The following SHCBP1 variants were observed in gnomAD, a reference collection of about 807,000 sequenced individuals.
SHCBP1 encodes the protein SHC SH2 domain-binding protein 1.
A neutral mutation model predicts 75.1 loss-of-function variants in SHCBP1; 60 were observed. That is an observed-to-expected ratio of 0.80 (90% CI 0.65 to 0.99). The LOEUF is 0.99. SHCBP1 is among the 50% of genes least tolerant of loss of function. SHCBP1 has a pLI of 0.00. For synonymous variants in SHCBP1, 290 were observed against 293.2 expected, an observed-to-expected ratio of 0.99 and a Z score of 0.11; for missense variants, 709 against 809.4, an observed-to-expected ratio of 0.88 and a Z score of 1.50.
intron 12 of SHCBP1, 130 bp downstream of exon 12, chr16:46,583,384 TTC>T (rs1183528080): frequency 1.0e-5 from 9 of 895,320 alleles, no homozygotes; most frequent in South Asian, 3.9e-5. Flanking sequence ...GTTACCAAGC[TTC>T]TCTCTCTCCA....
At chr16:46,594,137 T>A (rs1965096621) in intron 10 of SHCBP1, among the ~76,000 whole-genome samples, 1 of 152,014 alleles carries the variant, frequency 6.6e-6, no homozygotes, top group Admixed American at 6.6e-5. Flanking sequence ...ATGTAAAATA[T>A]AACGCTATAA....
chr16:46,606,824 T>A (rs1328860541), intron 5 of SHCBP1, among the ~76,000 whole-genome samples: 1 of 141,702 alleles, frequency 7.1e-6, no homozygotes, highest in Non-Finnish European at 1.6e-5. Context: ...ACTTTCAAAC[T>A]TTTTTTTTTT....
At chr16:46,601,547 T>G (rs576735415) in intron 8 of SHCBP1, among the ~76,000 whole-genome samples, 1 of 152,136 alleles carries the variant, frequency 6.6e-6, no homozygotes, top group African/African-American at 2.4e-5. Flanking sequence ...GCAAAGCCGC[T>G]CAATGTATCT....
rs1260679769 is a variant in SHCBP1 at position 46,581,864 on chromosome 16, T to C, written c.1884A>G (p.Ile628Met). ...LIAASTQKGQ[I>M]KKKRLSELGI... ...CCAGTTCACTCAACCTTTTCTTCTT[T>C]ATCTGGCCTTTCTGTGTGGAGGCAG... is the stretch of plus-strand genomic sequence containing the variant. Residue 628 changes from isoleucine (I) to methionine (M), a missense_variant, in exon 13 of 13, where the codon ATA becomes ATG. By Grantham distance (10) the Ile-to-Met change is conservative. Coordinates refer to ENST00000303383, the MANE Select transcript of SHCBP1 (RefSeq NM_024745.5). 1 of 1,614,064 alleles carries C rather than the reference T, an allele frequency of 6.2e-7. No individual in the cohort carries two copies. Among genetic ancestry groups the C allele is most frequent in the Non-Finnish European group, 8.5e-7 (1 of 1,180,026 alleles).
chr16:46,607,310 C>G (rs1317878856), intron 5 of SHCBP1, among the ~76,000 whole-genome samples: 2 of 152,188 alleles, frequency 1.3e-5, no homozygotes, highest in Admixed American at 1.3e-4. Context: ...AGTGACATCA[C>G]ACTGCTGCAC....
rs114407253 is a variant in SHCBP1 at position 46,614,874 on chromosome 16, T to A, written c.596+1072A>T. On this transcript the variant is annotated intron_variant, in intron 4 of 12. Transcript: ENST00000303383. ...AAGAATCCCCTACTTTTGTTAACAT[T>A]TGTGAAAACCAAGTAAAAGATAAAC... 3.5e-3 allele frequency among the ~76,000 whole-genome samples: 529 copies of A among 152,338 alleles called. 7 individuals are homozygous for A. Among genetic ancestry groups the A allele is most frequent in the African/African-American group, 0.012 (518 of 41,588 alleles).
At chr16:46,598,772 G>C (rs1334021364) in intron 9 of SHCBP1, among the ~76,000 whole-genome samples, 2 of 152,122 alleles carry the variant, frequency 1.3e-5, no homozygotes, top group African/African-American at 2.4e-5. Flanking sequence ...TCCAATAGAA[G>C]GTTATTTCAT....
intron 10 of SHCBP1, among the ~76,000 whole-genome samples, chr16:46,584,751 T>A (rs536933233): frequency 2.8e-4 from 43 of 152,308 alleles, no homozygotes; most frequent in African/African-American, 9.4e-4. Flanking sequence ...AGAATTTCTT[T>A]CCTAATGCTA....
rs1244040846 is a variant in SHCBP1, at chr16:46,604,654, CT to C, written c.690-194del. Among the ~76,000 whole-genome samples the C allele has an allele frequency of 2.6e-5, 4 of 152,306 alleles. No homozygotes were observed. In the East Asian group the frequency reaches 7.7e-4, roughly 29 times the overall value. On this transcript the variant is annotated intron_variant, in intron 5 of 12. Transcript: ENST00000303383. The stretch of plus-strand genomic sequence containing the variant: ...AAGCTGTTGAAAATTTAAAGCACCA[CT>C]TCCTTAAGGTCACTAATTTTTCTGC...
intron 10 of SHCBP1, among the ~76,000 whole-genome samples, chr16:46,587,180 T>C (rs1964966658): frequency 6.6e-6 from 1 of 152,128 alleles, no homozygotes; most frequent in African/African-American, 2.4e-5. Flanking sequence ...AAGGAGATGG[T>C]AGAGAATAAT....
intron 4 of SHCBP1, among the ~76,000 whole-genome samples, chr16:46,608,723 C>T (rs1965362242): frequency 6.6e-6 from 1 of 151,262 alleles, no homozygotes. Context: ...CCTGCCTCAG[C>T]CTCCCGAGTA....
Position 46,608,340 on chromosome 16 carries a change from C to T in SHCBP1, c.646G>A (p.Glu216Lys), listed in dbSNP as rs776862098. The change falls in exon 5 of 13, where the codon GAA (glutamate) becomes AAA (lysine). Residue 216 changes from glutamate to lysine, a missense_variant. Glu to Lys is a moderately conservative substitution (Grantham distance 56). Coordinates refer to ENST00000303383, the MANE Select transcript of SHCBP1 (RefSeq NM_024745.5). ...WRSWDEEEED[E>K]YDYFVRCVEP... ...ACACATCTGACAAAATAATCGTATT[C>T]ATCCTCCTCTTCTTCATCCCAACTC... 6.2e-7 allele frequency: 1 copy of T among 1,613,698 alleles called. No homozygotes were observed. The highest frequency in any genetic ancestry group is 8.5e-7 in the Non-Finnish European group (1 of 1,179,852).
intron 4 of SHCBP1, among the ~76,000 whole-genome samples, chr16:46,611,734 C>T (rs138728781): frequency 0.016 from 2,467 of 152,240 alleles, 34 homozygotes; most frequent in Middle Eastern, 0.031. Flanking sequence ...TAAGAACCTA[C>T]CAACAACAGT....
At chr16:46,591,033 T>A (rs1382517251) in intron 10 of SHCBP1, among the ~76,000 whole-genome samples, 4 of 152,218 alleles carry the variant, frequency 2.6e-5, no homozygotes, top group African/African-American at 9.6e-5. Flanking sequence ...TGGATGAAGC[T>A]GGAAACCATC....
In SHCBP1 at chr16:46,604,032, C is replaced by T. The variant is rs1175798827; in HGVS notation, c.1035G>A (p.Arg345=). 1 of 1,614,058 alleles carries T rather than the reference C, an allele frequency of 6.2e-7. No individual in the cohort carries two copies. The highest frequency in any genetic ancestry group is 8.5e-7 in the Non-Finnish European group (1 of 1,180,038). The change falls in exon 7 of 13, where the codon CGG becomes CGA. Residue 345 remains arginine (R), a synonymous_variant. Coordinates refer to ENST00000303383, the MANE Select transcript of SHCBP1 (RefSeq NM_024745.5). ...GGCAAAGCCTGTCCGTAAGCAGGGA[C>T]CGCAGGAGACCAGCCATCATGGTGG... is the stretch of plus-strand genomic sequence containing the variant. The part of the protein sequence containing the change: ...VSSTMMAGLL[R]SLLTDRLCQE...
chr16:46,583,176 G>A (rs554998609), intron 12 of SHCBP1, among the ~76,000 whole-genome samples: 2 of 151,576 alleles, frequency 1.3e-5, no homozygotes, highest in East Asian at 1.9e-4. Context: ...CACTGTTGCT[G>A]TCACACACCC....
At position 46,616,254 on chromosome 16, in the gene SHCBP1, T is replaced by C. The variant is rs1965498495; in HGVS notation, c.388-100A>G. On this transcript the variant is annotated intron_variant, in intron 3 of 12. Coordinates refer to ENST00000303383, the MANE Select transcript of SHCBP1 (RefSeq NM_024745.5). The surrounding 1 kb of genome is among the most constrained non-coding windows in gnomAD (Gnocchi z 4.4). ...CTGATTTTTTTAAAAGCATACAACA[T>C]GGGTGGGGAGGCTTTACCCATAATA... 8.4e-7 allele frequency: 1 copy of C among 1,191,114 alleles called. No individual in the cohort carries two copies. Among genetic ancestry groups the C allele is most frequent in the African/African-American group, 1.5e-5 (1 of 65,712 alleles). The allele number at this position is 1,191,114 out of a possible 1,614,324, so 73.8% of individuals were successfully genotyped here.
At chr16:46,621,026 C>A (rs1246324592) in intron 1 of SHCBP1, 1 of 439,068 alleles carries the variant, frequency 2.3e-6, no homozygotes, top group Non-Finnish European at 4.0e-6. Flanking sequence ...GGGCGGAGGC[C>A]AGAGAGTGCA....
At chr16:46,596,977 C>G (rs1468840061) in intron 9 of SHCBP1, among the ~76,000 whole-genome samples, 1 of 152,168 alleles carries the variant, frequency 6.6e-6, no homozygotes, top group Non-Finnish European at 1.5e-5. Flanking sequence ...ATCCACCCTC[C>G]TCGGCTGCCC....
Sources: allele counts gnomAD v4.1 joint callset (sites outside exome capture counted in the v4.1 genomes callset), GRCh38; gene constraint gnomAD v4.1.1; non-coding constraint Gnocchi (gnomAD v3.1); transcripts MANE v1.5; gene names NCBI Gene and HGNC (gene_info 2026-07-23, HGNC 2026-07-21).